The following ANKIB1 variants were observed in gnomAD, a reference collection of about 807,000 sequenced individuals.
ANKIB1 encodes the protein ankyrin repeat and IBR domain-containing protein 1.
Under a neutral mutation model 122.1 loss-of-function variants are expected in ANKIB1, and 43 were observed. The observed-to-expected ratio is 0.35, with a 90% CI of 0.28 to 0.45. ANKIB1 has a LOEUF of 0.45. Among genes scored for constraint, ANKIB1 ranks in the 20% least tolerant of loss-of-function variants. The probability of loss-of-function intolerance (pLI) is 1.00; values close to 1 mark genes in which losing one functional copy is unlikely to be tolerated. For synonymous variants in ANKIB1, 390 were observed against 442.0 expected (o/e 0.88, Z 1.48); for missense variants, 992 against 1,329.5 (o/e 0.75, Z 3.95).
chr7:92,247,366 GTTTTGCTTTGTTACAAGC>G (rs897487878), intron 1 of ANKIB1, among the ~76,000 whole-genome samples: 24 of 152,270 alleles, frequency 1.6e-4, no homozygotes, highest in Admixed American at 1.6e-3. Flanking sequence ...GTATTGGAAG[GTTTTGCTTTGTTACAAGC>G]TTTTGCTTTG....
intron 1 of ANKIB1, among the ~76,000 whole-genome samples, chr7:92,262,578 A>G (rs564950260): frequency 7.2e-4 from 110 of 152,320 alleles, no homozygotes; most frequent in Admixed American, 5.9e-3. Context: ...TTCCAAGTAT[A>G]TAGCATGATC....
At position 92,355,781 on chromosome 7, in the gene ANKIB1, A is replaced by G. The variant is rs554362265; in HGVS notation, c.1397+3139A>G. 2.6e-4 allele frequency among the ~76,000 whole-genome samples: 39 copies of G among 151,650 alleles called. 1 individual carries two copies. In the South Asian group the frequency reaches 7.1e-3, roughly 27 times the overall value. On this transcript the variant is annotated intron_variant, in intron 9 of 19. Transcript: ENST00000265742. ...GGAGAATCGCTTGAACCTGGGAGGC[A>G]GAAGTTGCAGTGAGCCGAGATCAAG...
rs75208333 is a variant in ANKIB1, at chr7:92,266,547, A to G, written c.-91+20028A>G. Among the ~76,000 whole-genome samples the G allele has an allele frequency of 6.8e-3, 1,042 of 152,254 alleles. 10 individuals are homozygous for G. The highest frequency in any genetic ancestry group is 0.024 in the African/African-American group (992 of 41,532). On this transcript the variant is annotated intron_variant, in intron 1 of 19. Coordinates refer to ENST00000265742, the MANE Select transcript of ANKIB1 (RefSeq NM_019004.2). ...AAGTTCTCTGGGGTACTGCACTTAA[A>G]GAACTCACCTGTAGAAAACCCTCCT...
Position 92,291,879 on chromosome 7 carries a change from G to C in ANKIB1, c.-90-3010G>C, listed in dbSNP as rs375233092. 3.2e-4 allele frequency among the ~76,000 whole-genome samples: 48 copies of C among 152,078 alleles called. 1 individual carries two copies. Among genetic ancestry groups the C allele is most frequent in the African/African-American group, 9.9e-4 (41 of 41,514 alleles). ...CGTGAGCTACCACACCCGGCCCAGG[G>C]TACATTTTTCTTCTTCTCATTAAAT... is the stretch of plus-strand genomic sequence containing the variant. On this transcript the variant is annotated intron_variant, in intron 1 of 19. Coordinates refer to ENST00000265742, the MANE Select transcript of ANKIB1 (RefSeq NM_019004.2).
At position 92,399,069 on chromosome 7, in the gene ANKIB1, G is replaced by A; in HGVS notation, c.*120G>A. On this transcript the variant is annotated 3_prime_UTR_variant, in exon 20 of 20. Coordinates refer to ENST00000265742, the MANE Select transcript of ANKIB1 (RefSeq NM_019004.2). ...TCAGTGATAAACCACTGACATTAGG[G>A]TTGAATACAGAGAAGTTCCCTTGAA... 8.6e-7 allele frequency: 1 copy of A among 1,158,812 alleles called. No individual in the cohort carries two copies. Among genetic ancestry groups the A allele is most frequent in the Non-Finnish European group, 1.1e-6 (1 of 873,172 alleles). 71.8% of individuals were successfully genotyped at this position (1,158,812 alleles called of 1,614,324 possible). A position where few individuals can be genotyped will look rare whatever the true frequency, so the allele number is the denominator to read the frequency against.
At chr7:92,260,278 C>T (rs1801537398) in intron 1 of ANKIB1, among the ~76,000 whole-genome samples, 1 of 152,208 alleles carries the variant, frequency 6.6e-6, no homozygotes, top group African/African-American at 2.4e-5. Flanking sequence ...GTTCCTCGAA[C>T]ACACAGGGTA....
chr7:92,343,725 G>A (rs1407707005), intron 6 of ANKIB1, among the ~76,000 whole-genome samples: 7 of 151,972 alleles, frequency 4.6e-5, no homozygotes, highest in African/African-American at 4.8e-5. Flanking sequence ...TTTGTGATGG[G>A]CACTGTAAAC....
chr7:92,381,803 A>C (rs946192989), intron 11 of ANKIB1, among the ~76,000 whole-genome samples: 5 of 152,218 alleles, frequency 3.3e-5, no homozygotes, highest in African/African-American at 4.8e-5. Context: ...AATTGTAAAG[A>C]CCATCGATGC....
chr7:92,371,820 TAAAAAC>T (rs527384198), intron 11 of ANKIB1, among the ~76,000 whole-genome samples: 124 of 151,600 alleles, frequency 8.2e-4, no homozygotes, highest in African/African-American at 2.7e-3. Flanking sequence ...TCTACAGAAA[TAAAAAC>T]AAAAACAAAA....
At chr7:92,367,083 A>G (rs1013395944) in intron 10 of ANKIB1, among the ~76,000 whole-genome samples, 1 of 152,212 alleles carries the variant, frequency 6.6e-6, no homozygotes, top group Non-Finnish European at 1.5e-5. Context: ...AGAAAATGGT[A>G]TAGATGGTAT....
At chr7:92,263,379 G>C (rs1801603851) in intron 1 of ANKIB1, among the ~76,000 whole-genome samples, 1 of 152,180 alleles carries the variant, frequency 6.6e-6, no homozygotes, top group Non-Finnish European at 1.5e-5. Context: ...ATTTCATAAA[G>C]ATAAATGATA....
chr7:92,307,106 C>A (rs943776741), intron 2 of ANKIB1, among the ~76,000 whole-genome samples: 2 of 152,072 alleles, frequency 1.3e-5, no homozygotes, highest in Non-Finnish European at 2.9e-5. Context: ...CTTTTCCCTT[C>A]CTTTCCCTCC....
At position 92,323,564 on chromosome 7, in the gene ANKIB1, A is replaced by G. The variant is rs145600080; in HGVS notation, c.669+4052A>G. On this transcript the variant is annotated intron_variant, in intron 4 of 19. Coordinates refer to ENST00000265742, the MANE Select transcript of ANKIB1 (RefSeq NM_019004.2). ...CTAGTTTTGTAGATTTTTTCAACCC[A>G]TATTGGATTTGTTTTGTCTACTATT... Among the ~76,000 whole-genome samples the G allele has an allele frequency of 6.6e-5, 10 of 152,228 alleles. No individual in the cohort carries two copies. The East Asian group carries it at 1.9e-3, about 29-fold the overall frequency.
chr7:92,251,652 C>T (rs900779532), intron 1 of ANKIB1, among the ~76,000 whole-genome samples: 6 of 152,158 alleles, frequency 3.9e-5, no homozygotes, highest in African/African-American at 1.4e-4. Flanking sequence ...TACATACATA[C>T]CTCCTCATTA....
At chr7:92,303,518 A>G (rs1220849768) in intron 2 of ANKIB1, among the ~76,000 whole-genome samples, 2 of 152,192 alleles carry the variant, frequency 1.3e-5, no homozygotes, top group African/African-American at 4.8e-5. Context: ...AATGGCTTTC[A>G]GAGTGGATGG....
chr7:92,385,280 G>A (rs1384838191), intron 11 of ANKIB1, among the ~76,000 whole-genome samples: 1 of 152,206 alleles, frequency 6.6e-6, no homozygotes, highest in African/African-American at 2.4e-5. Flanking sequence ...TACACTGTTA[G>A]TGGGAGTGTA....
intron 11 of ANKIB1, among the ~76,000 whole-genome samples, chr7:92,377,464 A>G (rs938457435): frequency 1.3e-5 from 2 of 152,214 alleles, no homozygotes; most frequent in African/African-American, 4.8e-5. Flanking sequence ...ACATTATGAG[A>G]ATTACCAAAA....
intron 4 of ANKIB1, among the ~76,000 whole-genome samples, chr7:92,323,551 A>AT (rs923508847): frequency 2.6e-5 from 4 of 151,972 alleles, no homozygotes; most frequent in African/African-American, 7.3e-5. Flanking sequence ...AGTTTTGTAG[A>AT]TTTTTTCAAC....
chr7:92,381,467 A>G (rs1804513251), intron 11 of ANKIB1, among the ~76,000 whole-genome samples: 1 of 152,240 alleles, frequency 6.6e-6, no homozygotes, highest in African/African-American at 2.4e-5. Flanking sequence ...AAATGGAGGA[A>G]AAAATGCTAA....
Sources: allele counts gnomAD v4.1 joint callset (sites outside exome capture counted in the v4.1 genomes callset), GRCh38; gene constraint gnomAD v4.1.1; transcripts MANE v1.5; gene names NCBI Gene and HGNC (gene_info 2026-07-23, HGNC 2026-07-21).